CPZ: variants seen among roughly 807,000 people sequenced by gnomAD.
CPZ encodes the protein carboxypeptidase Z.
CPZ carries 103 observed loss-of-function variants against 61.8 expected under a neutral mutation model. That is an observed-to-expected ratio of 1.67 (90% CI 1.42 to 1.96). The LOEUF is 1.96. CPZ is among the 30% of genes most tolerant of loss of function. CPZ has a pLI of 0.00. For synonymous variants in CPZ, 551 were observed against 373.7 expected (o/e 1.47, Z -5.47); for missense variants, 1,461 against 914.9 (o/e 1.60, Z -7.70).
rs756172035 is a variant in CPZ at position 8,619,595 on chromosome 4, C to T, written c.1937C>T (p.Pro646Leu). The change falls in exon 11 of 11, where the codon CCA becomes CTA. Residue 646 changes from proline (P) to leucine (L), a missense_variant. By Grantham distance (98) the Pro-to-Leu change is moderately conservative (BLOSUM62 -3). Coordinates refer to ENST00000360986, the MANE Select transcript of CPZ (RefSeq NM_001014447.3). ...TTCACATCGCTGAGCACCCACAGGC[C>T]ACGCTGGCTGCTCAAGTACTAGCCC... ...SYFTSLSTHRPRWLLKY is the reference protein window; with the variant it reads ...SYFTSLSTHRLRWLLKY 2.7e-6 allele frequency: 4 copies of T among 1,508,896 alleles called. No homozygotes were observed. Among genetic ancestry groups the T allele is most frequent in the Non-Finnish European group, 3.5e-6 (4 of 1,129,240 alleles). The allele number at this position is 1,508,896 out of a possible 1,614,324, so 93.5% of individuals were successfully genotyped here.
In CPZ at chr4:8,606,093, G is replaced by T. The variant is rs202018268; in HGVS notation, c.814G>T (p.Gly272Cys). 25 of 1,614,160 alleles carry T rather than the reference G, an allele frequency of 1.5e-5. No individual in the cohort carries two copies. The African/African-American group carries it at 2.5e-4, about 16-fold the overall frequency. Reference protein sequence around the residue: ...AQYLCSEYLLGNPRIQRLLNT... With the variant: ...AQYLCSEYLLCNPRIQRLLNT... ...GTACCTGTGCTCTGAGTACCTGCTT[G>T]GTAACCCCCGCATCCAGCGCCTGCT... is the stretch of plus-strand genomic sequence containing the variant. Residue 272 changes from glycine to cysteine, a missense_variant, in exon 5 of 11, where the codon GGT becomes TGT. Gly to Cys is a radical substitution (Grantham distance 159). Transcript: ENST00000360986.
chr4:8,614,389 A>G lies in CPZ; in HGVS notation c.1394A>G (p.Asn465Ser). The G allele has an allele frequency of 1.2e-6, 2 of 1,613,546 alleles. No individual in the cohort carries two copies. Among genetic ancestry groups the G allele is most frequent in the South Asian group, 2.2e-5 (2 of 91,026 alleles). Residue 465 changes from asparagine (N) to serine (S), a missense_variant, in exon 9 of 11, where the codon AAC becomes AGC. Physicochemically the swap from Asn to Ser is conservative, Grantham distance 46. Coordinates refer to ENST00000360986, the MANE Select transcript of CPZ (RefSeq NM_001014447.3). ...GMSDFNYLHT[N>S]CFEITVELGC... ...TCCGATTTCAACTACCTGCACACCA[A>G]CTGCTTTGAGATCACGGTAGAGCTG...
chr4:8,614,965 C>T (rs540123396), intron 9 of CPZ, among the ~76,000 whole-genome samples: 7 of 152,108 alleles, frequency 4.6e-5, no homozygotes, highest in South Asian at 4.2e-4. Context: ...CCTCGAGAGC[C>T]GCTGGGGCTG....
chr4:8,603,655 G>A (rs1004054142), intron 3 of CPZ: 8 of 390,900 alleles, frequency 2.0e-5, no homozygotes, highest in Non-Finnish European at 3.2e-5. Context: ...GTTTGCCTTG[G>A]GGGGTCCAGG....
Position 8,614,344 on chromosome 4 carries a change from GTC to G in CPZ, c.1364-11_1364-10del, listed in dbSNP as rs1715979019. On this transcript the variant is annotated splice_polypyrimidine_tract_variant and intron_variant, in intron 8 of 10. Transcript: ENST00000360986. ...GGCTGACACCCCTGACGTCCCCGCTGTCTCTGTGCCACAGGCATGTCCGATTT... is the reference window on the plus strand; with the variant it reads ...GGCTGACACCCCTGACGTCCCCGCTGTCTGTGCCACAGGCATGTCCGATTT... The G allele has an allele frequency of 6.2e-7, 1 of 1,610,118 alleles. No homozygotes were observed. Among genetic ancestry groups the G allele is most frequent in the Non-Finnish European group, 8.5e-7 (1 of 1,178,296 alleles).
chr4:8,609,118 C>CA (rs879349279), intron 7 of CPZ, among the ~76,000 whole-genome samples: 12,263 of 75,082 alleles, frequency 0.16, 900 homozygotes, highest in South Asian at 0.22. Context: ...TTCCTCACTC[C>CA]CTCACTCATT....
chr4:8,619,530 G>C lies in CPZ; in HGVS notation c.1872G>C (p.Gln624His). The C allele has an allele frequency of 1.3e-6, 2 of 1,584,210 alleles. No individual in the cohort carries two copies. Among genetic ancestry groups the C allele is most frequent in the Non-Finnish European group, 1.7e-6 (2 of 1,164,126 alleles). ...TEPDPLRARR[Q>H]PSADGSKPWW... is the part of the protein sequence containing the mutation. Reference sequence around the variant, plus strand: ...CCGACCCGCTCCGGGCGCGCAGGCAGCCCTCGGCCGACGGGAGTAAGCCCT... The same window carrying C: ...CCGACCCGCTCCGGGCGCGCAGGCACCCCTCGGCCGACGGGAGTAAGCCCT... Residue 624 changes from glutamine (Q) to histidine (H), a missense_variant, in exon 11 of 11, where the codon CAG (glutamine) becomes CAC (histidine). Transcript: ENST00000360986.
At chr4:8,618,598 A>G (rs4696872) in intron 10 of CPZ, 70 bp downstream of exon 10, 1,252,015 of 1,440,668 alleles carry the variant, frequency 0.87, 545,212 homozygotes, top group East Asian at 0.97. Flanking sequence ...GGCAGCCGGC[A>G]CCCTCAGGCA....
chr4:8,592,937 G>GCCCCCCCCCCC lies in CPZ; in HGVS notation c.88+21_88+22insCCCCCCCCCCC. The GCCCCCCCCCCC allele has an allele frequency of 1.3e-6, 2 of 1,520,826 alleles. No homozygotes were observed. The highest frequency in any genetic ancestry group is 1.4e-5 in the African/African-American group (1 of 72,370). 94.2% of individuals were successfully genotyped at this position (1,520,826 alleles called of 1,614,324 possible). On this transcript the variant is annotated intron_variant, in intron 1 of 10. Transcript: ENST00000360986. ...AACCCCGCCGGTAAGGCCGTCCCCT[G>GCCCCCCCCCCC]CCCCCACCCTCCACCCTCCACCCTG... is the stretch of plus-strand genomic sequence containing the variant.
In CPZ at chr4:8,619,370, T is replaced by A. The variant is rs759283768; in HGVS notation, c.1712T>A (p.Met571Lys). ...VIKKVIIPARMKRAGRVDFIL... is the reference protein window; with the variant it reads ...VIKKVIIPARKKRAGRVDFIL... ...AAGAAAGTCATCATCCCCGCCCGGA[T>A]GAAGAGGGCTGGCCGTGTGGACTTC... The change falls in exon 11 of 11, where the codon ATG becomes AAG. Residue 571 changes from methionine to lysine, a missense_variant. Transcript: ENST00000360986. 5.6e-6 allele frequency: 9 copies of A among 1,614,054 alleles called. No homozygotes were observed. The highest frequency in any genetic ancestry group is 4.0e-5 in the African/African-American group (3 of 74,930).
chr4:8,597,096 G>A (rs538347165), intron 1 of CPZ, among the ~76,000 whole-genome samples: 6 of 152,320 alleles, frequency 3.9e-5, no homozygotes, highest in African/African-American at 1.4e-4. Context: ...TGACTGTGCT[G>A]TAGCATCTGC....
rs770241679 is a variant in CPZ at position 8,619,290 on chromosome 4, G to GC, written c.1637dup (p.Gly547ArgfsTer85). The GC allele has an allele frequency of 1.2e-6, 2 of 1,613,184 alleles. No individual in the cohort carries two copies. The highest frequency in any genetic ancestry group is 1.7e-6 in the Non-Finnish European group (2 of 1,179,678). On this transcript the variant is annotated frameshift_variant, in exon 11 of 11. Transcript: ENST00000360986. LOFTEE classifies it low-confidence loss of function (END_TRUNC). Reference sequence around the variant, plus strand: ...CAGATGGTGACTACTGGAGACTGCTGCCCCCAGGTATCCACATTGTCATTG... The same window carrying GC: ...CAGATGGTGACTACTGGAGACTGCTGCCCCCCAGGTATCCACATTGTCATTG...
chr4:8,618,039 C>T, intron 9 of CPZ: 1 of 260,388 alleles, frequency 3.8e-6, no homozygotes, highest in Non-Finnish European at 7.5e-6. Flanking sequence ...GCCCACGCCA[C>T]CTTCAGGAGC....
Position 8,619,712 on chromosome 4 carries a change from C to A in CPZ, c.*95C>A. 1.1e-6 allele frequency: 1 copy of A among 918,274 alleles called. No individual in the cohort carries two copies. The highest frequency in any genetic ancestry group is 1.6e-6 in the Non-Finnish European group (1 of 642,662). 56.9% of individuals were successfully genotyped at this position (918,274 alleles called of 1,614,324 possible). On this transcript the variant is annotated 3_prime_UTR_variant, in exon 11 of 11. Transcript: ENST00000360986. ...GATTTTGTCTGCCACAGACATCCCACAAAGCCGCTGCCATTTTATTAAAGT... is the reference window on the plus strand; with the variant it reads ...GATTTTGTCTGCCACAGACATCCCAAAAAGCCGCTGCCATTTTATTAAAGT...
chr4:8,609,519 A>C (rs1421027124), intron 7 of CPZ, among the ~76,000 whole-genome samples: 1 of 152,256 alleles, frequency 6.6e-6, no homozygotes, highest in Non-Finnish European at 1.5e-5. Flanking sequence ...AAGTGCCCGC[A>C]GAGGTGACTG....
At chr4:8,610,764 T>G (rs1560299503) in intron 7 of CPZ, among the ~76,000 whole-genome samples, 2 of 152,128 alleles carry the variant, frequency 1.3e-5, no homozygotes, top group Non-Finnish European at 2.9e-5. Flanking sequence ...AGGATAGTGG[T>G]CCATGGTCTG....
At chr4:8,594,651 G>A (rs146759517) in intron 1 of CPZ, among the ~76,000 whole-genome samples, 79 of 152,350 alleles carry the variant, frequency 5.2e-4, no homozygotes, top group Non-Finnish European at 8.5e-4. Context: ...TATTTCAAAA[G>A]CCGCTTTCAG....
At chr4:8,617,899 T>G (rs1201560811) in intron 9 of CPZ, among the ~76,000 whole-genome samples, 1 of 151,988 alleles carries the variant, frequency 6.6e-6, no homozygotes, top group Non-Finnish European at 1.5e-5. Context: ...GCAGGGAGCT[T>G]GTGTGTTCAG....
Position 8,595,954 on chromosome 4 carries a change from C to T in CPZ, c.88+3033C>T, listed in dbSNP as rs1025873213. ...AGGAGCACCTGGGGCCACCAGGAGCCGGGAGGGGCGGGAGAGTTCTTCCCT... is the reference window on the plus strand; with the variant it reads ...AGGAGCACCTGGGGCCACCAGGAGCTGGGAGGGGCGGGAGAGTTCTTCCCT... On this transcript the variant is annotated intron_variant, in intron 1 of 10. Transcript: ENST00000360986. Among the ~76,000 whole-genome samples the T allele has an allele frequency of 2.7e-4, 41 of 152,282 alleles. 1 individual carries two copies. Among genetic ancestry groups the T allele is most frequent in the Admixed American group, 2.0e-3 (31 of 15,298 alleles).
Sources: allele counts gnomAD v4.1 joint callset (sites outside exome capture counted in the v4.1 genomes callset), GRCh38; gene constraint gnomAD v4.1.1; transcripts MANE v1.5; gene names NCBI Gene and HGNC (gene_info 2026-07-23, HGNC 2026-07-21).